FAM174A: variants seen among roughly 807,000 people sequenced by gnomAD.
FAM174A encodes the protein membrane protein FAM174A.
Under a neutral mutation model 14.3 loss-of-function variants are expected in FAM174A, and 14 were observed. That is an observed-to-expected ratio of 0.98 (90% confidence interval 0.65 to 1.53). The LOEUF (loss-of-function observed/expected upper bound fraction) is 1.53, where lower values mean the gene tolerates loss of function less well. FAM174A is among the 40% of genes most tolerant of loss of function. FAM174A has a pLI of 0.00. For synonymous variants in FAM174A, 108 were observed against 111.4 expected, an observed-to-expected ratio of 0.97 and a Z score of 0.19; for missense variants, 241 against 249.6, an observed-to-expected ratio of 0.97 and a Z score of 0.23.
intron 2 of FAM174A, among the ~76,000 whole-genome samples, chr5:100,571,967 A>G (rs1193282180): frequency 6.6e-6 from 1 of 151,888 alleles, no homozygotes; most frequent in Non-Finnish European, 1.5e-5. Flanking sequence ...GCCATCAAAG[A>G]ATATCAGGAA....
At chr5:100,573,363 TTC>T (rs1198060624) in intron 2 of FAM174A, among the ~76,000 whole-genome samples, 1 of 150,348 alleles carries the variant, frequency 6.7e-6, no homozygotes, top group Non-Finnish European at 1.5e-5. Context: ...CCAGGTTTTC[TTC>T]TAGGGTTTTT....
At chr5:100,575,684 G>C (rs1042775354) in intron 2 of FAM174A, among the ~76,000 whole-genome samples, 1 of 152,240 alleles carries the variant, frequency 6.6e-6, no homozygotes, top group Middle Eastern at 3.4e-3. Flanking sequence ...ATTGACAAAT[G>C]GTATCTAATT....
intron 2 of FAM174A, among the ~76,000 whole-genome samples, chr5:100,577,816 C>T (rs565099333): frequency 2.0e-5 from 3 of 152,060 alleles, no homozygotes; most frequent in African/African-American, 7.2e-5. Context: ...TGTCATTAAA[C>T]AGGTAGCAAA....
At chr5:100,544,990 C>G (rs1301972778) in intron 1 of FAM174A, among the ~76,000 whole-genome samples, 1 of 152,200 alleles carries the variant, frequency 6.6e-6, no homozygotes, top group Non-Finnish European at 1.5e-5. Context: ...CAGCAAGCGT[C>G]TATTCTGACT....
chr5:100,570,433 G>T (rs886814331), intron 2 of FAM174A, among the ~76,000 whole-genome samples: 1 of 151,998 alleles, frequency 6.6e-6, no homozygotes, highest in African/African-American at 2.4e-5. Flanking sequence ...TGTGAAAGCT[G>T]CACACTGATC....
intron 2 of FAM174A, among the ~76,000 whole-genome samples, chr5:100,573,752 G>C (rs1387376452): frequency 6.6e-6 from 1 of 150,624 alleles, no homozygotes; most frequent in Non-Finnish European, 1.5e-5. Flanking sequence ...AACCAAAAAA[G>C]AGCCCACATC....
chr5:100,560,261 T>G (rs910385569), intron 1 of FAM174A, among the ~76,000 whole-genome samples: 1 of 152,146 alleles, frequency 6.6e-6, no homozygotes, highest in African/African-American at 2.4e-5. Flanking sequence ...TTTAGACCTC[T>G]GGTCTACATG....
chr5:100,545,626 A>G (rs1258385290), intron 1 of FAM174A, among the ~76,000 whole-genome samples: 2 of 152,158 alleles, frequency 1.3e-5, no homozygotes, highest in Non-Finnish European at 2.9e-5. Flanking sequence ...CTCAATAGTA[A>G]AGCAAAACAT....
At chr5:100,547,645 G>A (rs577354377) in intron 1 of FAM174A, among the ~76,000 whole-genome samples, 58 of 152,166 alleles carry the variant, frequency 3.8e-4, no homozygotes, top group African/African-American at 1.4e-3. Context: ...TATTCAAAGT[G>A]GACGGATTGC....
intron 1 of FAM174A, among the ~76,000 whole-genome samples, chr5:100,552,280 C>A (rs1424345211): frequency 1.3e-5 from 2 of 151,960 alleles, no homozygotes; most frequent in African/African-American, 2.4e-5. Flanking sequence ...CACTAGTTTA[C>A]TTTTTTCTAA....
chr5:100,565,065 A>G (rs1486063135), intron 2 of FAM174A, among the ~76,000 whole-genome samples: 1 of 150,390 alleles, frequency 6.6e-6, no homozygotes, highest in Non-Finnish European at 1.5e-5. Context: ...GAAGGAAAGC[A>G]AACCGCAGGC....
chr5:100,549,759 TAGAG>T (rs758559236), intron 1 of FAM174A, among the ~76,000 whole-genome samples: 10 of 152,020 alleles, frequency 6.6e-5, no homozygotes, highest in Admixed American at 1.3e-4. Flanking sequence ...GTCAAGCTAA[TAGAG>T]AGGGTTTTTT....
intron 1 of FAM174A, among the ~76,000 whole-genome samples, chr5:100,551,544 A>G (rs1251652225): frequency 6.6e-6 from 1 of 152,160 alleles, no homozygotes; most frequent in East Asian, 1.9e-4. Context: ...ACCCTTTGTA[A>G]GATCTCCTTA....
intron 2 of FAM174A, among the ~76,000 whole-genome samples, chr5:100,581,710 A>T (rs911528153): frequency 2.0e-5 from 3 of 152,070 alleles, no homozygotes; most frequent in African/African-American, 7.2e-5. Context: ...GGGAGTGGGG[A>T]GTGGTGGTTC....
chr5:100,564,557 T>C (rs1409748858), intron 2 of FAM174A, among the ~76,000 whole-genome samples: 2 of 151,706 alleles, frequency 1.3e-5, no homozygotes, highest in African/African-American at 4.8e-5. Context: ...ATACATTAAA[T>C]AGAGTTGAAA....
intron 2 of FAM174A, among the ~76,000 whole-genome samples, chr5:100,574,981 A>T (rs1746871830): frequency 6.6e-6 from 1 of 152,186 alleles, no homozygotes; most frequent in African/African-American, 2.4e-5. Flanking sequence ...TATTGTTCTC[A>T]TTTGAAAGAT....
intron 2 of FAM174A, among the ~76,000 whole-genome samples, chr5:100,563,147 T>C (rs247938): frequency 0.21 from 32,092 of 151,762 alleles, 3,644 homozygotes; most frequent in African/African-American, 0.26. Flanking sequence ...TTAGTAATGC[T>C]GATAATTTGT....
Position 100,543,414 on chromosome 5 carries a change from G to A in FAM174A, c.434+7450G>A, listed in dbSNP as rs531722162. On this transcript the variant is annotated intron_variant, in intron 1 of 2. Coordinates refer to ENST00000312637, the MANE Select transcript of FAM174A (RefSeq NM_198507.3). ...ATTACAGGTGTGAGCCACTTCACCC[G>A]CCAACTAGCCACATTTTGAGGGCTA... Among the ~76,000 whole-genome samples the A allele has an allele frequency of 3.0e-4, 45 of 152,274 alleles. No homozygotes were observed. In the East Asian group the frequency reaches 6.0e-3, roughly 20 times the overall value.
At chr5:100,572,597 CTG>C (rs1561322609) in intron 2 of FAM174A, among the ~76,000 whole-genome samples, 1 of 151,912 alleles carries the variant, frequency 6.6e-6, no homozygotes, top group Non-Finnish European at 1.5e-5. Context: ...TTTTTTATGG[CTG>C]CATAGTATTC....
Sources: allele counts gnomAD v4.1 joint callset (sites outside exome capture counted in the v4.1 genomes callset), GRCh38; gene constraint gnomAD v4.1.1; transcripts MANE v1.5; gene names NCBI Gene and HGNC (gene_info 2026-07-23, HGNC 2026-07-21).